DPP6: variants seen among roughly 807,000 people sequenced by gnomAD.
The protein encoded by DPP6 is A-type potassium channel modulatory protein DPP6.
Under a neutral mutation model 122.6 loss-of-function variants are expected in DPP6, and 69 were observed. That is an observed-to-expected ratio of 0.56 (90% confidence interval 0.46 to 0.69). The LOEUF is 0.69. Among genes scored for constraint, DPP6 ranks in the 30% least tolerant of loss-of-function variants. The pLI is 0.00. For synonymous variants in DPP6, 418 were observed against 433.1 expected, an observed-to-expected ratio of 0.97 and a Z score of 0.43; for missense variants, 928 against 1,116.9, an observed-to-expected ratio of 0.83 and a Z score of 2.41.
chr7:154,421,075 C>T (rs1817431346), intron 1 of DPP6, among the ~76,000 whole-genome samples: 2 of 152,162 alleles, frequency 1.3e-5, no homozygotes, highest in Admixed American at 6.5e-5. Context: ...AAGTCTGAGT[C>T]TCCCAATTAC....
intron 3 of DPP6, among the ~76,000 whole-genome samples, chr7:154,523,274 G>T (rs1264907614): frequency 6.6e-6 from 1 of 152,140 alleles, no homozygotes; most frequent in African/African-American, 2.4e-5. Context: ...CAGAAAAGTA[G>T]AAAACATATT....
Position 154,607,240 on chromosome 7 carries a change from T to C in DPP6, c.628-30581T>C, listed in dbSNP as rs916152220. ...ACTAGTAATGCTGGGAGTGTTCCCATGAAGCAGAGAAAGTTAGGACATTGC... is the reference window on the plus strand; with the variant it reads ...ACTAGTAATGCTGGGAGTGTTCCCACGAAGCAGAGAAAGTTAGGACATTGC... On this transcript the variant is annotated intron_variant, in intron 5 of 25. Transcript: ENST00000377770. Among the ~76,000 whole-genome samples, 4 of 119,396 alleles carry C rather than the reference T, an allele frequency of 3.4e-5. 1 individual carries two copies. Among genetic ancestry groups the C allele is most frequent in the Non-Finnish European group, 7.5e-5 (4 of 53,250 alleles). 78.3% of individuals were successfully genotyped at this position (119,396 alleles called of 152,430 possible). A position where few individuals can be genotyped will look rare whatever the true frequency, so the allele number is the denominator to read the frequency against.
At chr7:154,761,038 T>C (rs1384315476) in intron 8 of DPP6, among the ~76,000 whole-genome samples, 1 of 152,158 alleles carries the variant, frequency 6.6e-6, no homozygotes, top group East Asian at 1.9e-4. Flanking sequence ...TTTCACCATG[T>C]TGACCAGGCT....
At chr7:154,817,436 T>C (rs1265493309) in intron 16 of DPP6, among the ~76,000 whole-genome samples, 1 of 152,180 alleles carries the variant, frequency 6.6e-6, no homozygotes, top group Non-Finnish European at 1.5e-5. Context: ...GAGTGATTGA[T>C]ATATGATGTC....
intron 14 of DPP6, among the ~76,000 whole-genome samples, chr7:154,804,361 A>G (rs1425279875): frequency 2.0e-5 from 3 of 152,230 alleles, no homozygotes; most frequent in Admixed American, 6.5e-5. Context: ...TGAAAACAAA[A>G]ATAAGTAATT....
chr7:154,335,016 G>A (rs1156487170), intron 1 of DPP6, among the ~76,000 whole-genome samples: 1 of 151,844 alleles, frequency 6.6e-6, no homozygotes, highest in South Asian at 2.1e-4. Context: ...TCATAAGCCA[G>A]CAGATCCTCT....
At chr7:154,028,989 C>A (rs946196453) in intron 1 of DPP6, among the ~76,000 whole-genome samples, 1 of 150,292 alleles carries the variant, frequency 6.7e-6, no homozygotes, top group Non-Finnish European at 1.5e-5. Context: ...CTGCCACCTC[C>A]CCTCTGTCCT....
At chr7:154,872,496 C>A in intron 18 of DPP6, 128 bp from the exon 19 acceptor site, 2 of 1,409,932 alleles carry the variant, frequency 1.4e-6, no homozygotes, top group Non-Finnish European at 1.9e-6. Context: ...CTGGGCCAGT[C>A]TCTGTCTGTG....
intron 1 of DPP6, among the ~76,000 whole-genome samples, chr7:154,343,708 G>A (rs955854491): frequency 5.3e-5 from 8 of 152,220 alleles, no homozygotes; most frequent in African/African-American, 1.9e-4. Flanking sequence ...AGCCTCCTGA[G>A]CAGGTGGGAT....
intron 7 of DPP6, among the ~76,000 whole-genome samples, chr7:154,726,907 G>A (rs1842093647): frequency 6.6e-6 from 1 of 152,154 alleles, no homozygotes; most frequent in South Asian, 2.1e-4. Flanking sequence ...GACCATCTCA[G>A]CCTGGACTTC....
chr7:154,315,860 A>C (rs2151008064), intron 1 of DPP6, among the ~76,000 whole-genome samples: 1 of 152,328 alleles, frequency 6.6e-6, no homozygotes, highest in East Asian at 1.9e-4. Flanking sequence ...CAAGTATTGA[A>C]GACCTCAAGA....
chr7:154,065,527 A>C (rs1020374885), intron 1 of DPP6, among the ~76,000 whole-genome samples: 3 of 151,664 alleles, frequency 2.0e-5, no homozygotes, highest in Admixed American at 2.0e-4. Context: ...TGCTGTCCTC[A>C]CTGGCCGGGT....
intron 4 of DPP6, among the ~76,000 whole-genome samples, chr7:154,545,290 T>C (rs865864135): frequency 3.3e-5 from 5 of 152,322 alleles, no homozygotes; most frequent in Middle Eastern, 3.4e-3. Context: ...TGTTTTTTTT[T>C]CCTAAAAAAT....
At chr7:154,744,027 G>A (rs1842930749) in intron 8 of DPP6, among the ~76,000 whole-genome samples, 1 of 152,168 alleles carries the variant, frequency 6.6e-6, no homozygotes, top group African/African-American at 2.4e-5. Flanking sequence ...GTGTCCCATG[G>A]CGTGCAGCTG....
intron 3 of DPP6, among the ~76,000 whole-genome samples, chr7:154,480,368 G>A (rs554786948): frequency 3.3e-5 from 5 of 152,188 alleles, no homozygotes; most frequent in African/African-American, 4.8e-5. Flanking sequence ...AGCACTCTCC[G>A]AAACTCCTCT....
At chr7:154,865,682 T>C (rs1460725778) in intron 17 of DPP6, among the ~76,000 whole-genome samples, 2 of 152,176 alleles carry the variant, frequency 1.3e-5, no homozygotes, top group East Asian at 3.9e-4. Flanking sequence ...CACTGGTTGA[T>C]AGTCTGGCCT....
At chr7:154,310,187 G>C (rs377226547) in intron 1 of DPP6, among the ~76,000 whole-genome samples, 31 of 152,328 alleles carry the variant, frequency 2.0e-4, no homozygotes, top group African/African-American at 7.2e-4. Flanking sequence ...AGCTGATGGG[G>C]AGCAGCATGG....
intron 1 of DPP6, among the ~76,000 whole-genome samples, chr7:154,354,211 T>C (rs1811096635): frequency 6.6e-6 from 1 of 152,236 alleles, no homozygotes; most frequent in African/African-American, 2.4e-5. Flanking sequence ...GACACACTGG[T>C]GTTTCTAGTC....
chr7:154,298,975 C>T (rs868375421), intron 1 of DPP6, among the ~76,000 whole-genome samples: 1 of 152,192 alleles, frequency 6.6e-6, no homozygotes, highest in Non-Finnish European at 1.5e-5. Flanking sequence ...TTCTTTGAGA[C>T]ATTCTTACTG....
Sources: gnomAD v4.1 joint callset for allele counts (sites outside exome capture counted in the v4.1 genomes callset) on GRCh38, gnomAD v4.1.1 for gene constraint, MANE v1.5 for transcripts, NCBI Gene and HGNC (gene_info 2026-07-23, HGNC 2026-07-21) for gene names.